SLC35F4: variants seen among roughly 807,000 people sequenced by gnomAD.
SLC35F4 encodes solute carrier family 35 member F4.
In SLC35F4, 24 loss-of-function variants were observed where a neutral mutation model predicts 44.2. The ratio of observed to expected loss-of-function variants is 0.54; its 90% CI spans 0.39 to 0.76. SLC35F4 has a LOEUF of 0.76. Ranked by LOEUF, SLC35F4 falls within the 30% of genes least tolerant of loss-of-function variation. The pLI is 0.00. For synonymous variants in SLC35F4, 238 were observed against 223.6 expected (o/e 1.06, Z -0.57); for missense variants, 562 against 586.1 (o/e 0.96, Z 0.42).
chr14:57,861,018 TA>T (rs1887634037), intron 1 of SLC35F4, among the ~76,000 whole-genome samples: 1 of 152,256 alleles, frequency 6.6e-6, no homozygotes, highest in Non-Finnish European at 1.5e-5. Context: ...TTTACTGTGT[TA>T]ATGAATGAGC....
chr14:57,668,271 G>T (rs12050079), intron 1 of SLC35F4, among the ~76,000 whole-genome samples: 67,524 of 146,832 alleles, frequency 0.46, 16,084 homozygotes, highest in African/African-American at 0.6. Flanking sequence ...TTTCTCCCAT[G>T]TTGTAGGTTG....
At chr14:57,835,585 G>C (rs931966409) in intron 1 of SLC35F4, among the ~76,000 whole-genome samples, 1 of 152,188 alleles carries the variant, frequency 6.6e-6, no homozygotes, top group African/African-American at 2.4e-5. Context: ...AGGAGCAAAA[G>C]GACTCTATAA....
At chr14:57,841,575 G>C (rs1408048721) in intron 1 of SLC35F4, among the ~76,000 whole-genome samples, 1 of 152,146 alleles carries the variant, frequency 6.6e-6, no homozygotes, top group Non-Finnish European at 1.5e-5. Flanking sequence ...GGGCTAACAG[G>C]GTACTGAATC....
intron 1 of SLC35F4, among the ~76,000 whole-genome samples, chr14:57,709,934 A>T (rs1394114266): frequency 6.6e-6 from 1 of 152,200 alleles, no homozygotes; most frequent in Non-Finnish European, 1.5e-5. Context: ...ATGCAATAGA[A>T]ACGAAAAACC....
At chr14:57,845,904 A>G (rs2140972933) in intron 1 of SLC35F4, among the ~76,000 whole-genome samples, 1 of 152,284 alleles carries the variant, frequency 6.6e-6, no homozygotes, top group South Asian at 2.1e-4. Flanking sequence ...ACAGCCCTAC[A>G]CACTAGGAGA....
intron 1 of SLC35F4, among the ~76,000 whole-genome samples, chr14:57,839,545 C>T (rs1041485738): frequency 3.3e-5 from 5 of 152,128 alleles, no homozygotes; most frequent in African/African-American, 1.2e-4. Context: ...AACATAAGGA[C>T]ACATGAGGGG....
At chr14:57,813,385 T>G (rs1487052637) in intron 1 of SLC35F4, among the ~76,000 whole-genome samples, 1 of 151,948 alleles carries the variant, frequency 6.6e-6, no homozygotes, top group East Asian at 1.9e-4. Context: ...AGGTCAGGAG[T>G]TCAAGACCAG....
intron 1 of SLC35F4, among the ~76,000 whole-genome samples, chr14:57,838,506 T>C (rs1297546405): frequency 6.6e-6 from 1 of 152,214 alleles, no homozygotes; most frequent in African/African-American, 2.4e-5. Context: ...AACACATCTT[T>C]ACTGAGCTTT....
chr14:57,606,571 C>T (rs2071179839), intron 1 of SLC35F4, among the ~76,000 whole-genome samples: 1 of 152,180 alleles, frequency 6.6e-6, no homozygotes, highest in Non-Finnish European at 1.5e-5. Context: ...TTCTTGGTTT[C>T]CTTGTAACTT....
chr14:57,926,569 A>C (rs1173646421), intron 1 of SLC35F4, among the ~76,000 whole-genome samples: 3 of 152,168 alleles, frequency 2.0e-5, no homozygotes, highest in Admixed American at 1.3e-4. Flanking sequence ...GGGGGAATTT[A>C]TATGTATATG....
chr14:57,952,717 G>C (rs1594649124), intron 1 of SLC35F4, among the ~76,000 whole-genome samples: 1 of 151,674 alleles, frequency 6.6e-6, no homozygotes, highest in African/African-American at 2.4e-5. Context: ...ATGAAATAAA[G>C]CATGAAGACA....
At chr14:57,742,749 C>A (rs1308720911) in intron 1 of SLC35F4, among the ~76,000 whole-genome samples, 1 of 152,188 alleles carries the variant, frequency 6.6e-6, no homozygotes, top group Non-Finnish European at 1.5e-5. Flanking sequence ...GAACTCTCCA[C>A]CCCAAATCAA....
chr14:57,570,425 T>A, intron 5 of SLC35F4, among the ~76,000 whole-genome samples: 1 of 152,314 alleles, frequency 6.6e-6, no homozygotes, highest in East Asian at 1.9e-4. Context: ...TTGAGAGAAA[T>A]AGTATTTTTG....
chr14:57,856,997 C>T (rs547755259), intron 1 of SLC35F4, among the ~76,000 whole-genome samples: 5 of 152,074 alleles, frequency 3.3e-5, no homozygotes, highest in East Asian at 1.9e-4. Context: ...TTTCCTTGGC[C>T]GGGCACGGTG....
chr14:57,891,981 A>G (rs1057103162), intron 1 of SLC35F4, among the ~76,000 whole-genome samples: 36 of 152,224 alleles, frequency 2.4e-4, no homozygotes, highest in Non-Finnish European at 4.6e-4. Context: ...TATTTCTCAT[A>G]CATATTGTTA....
At chr14:57,643,185 C>T in intron 1 of SLC35F4, among the ~76,000 whole-genome samples, 1 of 152,088 alleles carries the variant, frequency 6.6e-6, no homozygotes, top group East Asian at 1.9e-4. Context: ...TATAGTAACA[C>T]TTACTAGAGC....
intron 1 of SLC35F4, among the ~76,000 whole-genome samples, chr14:57,714,481 T>C (rs2075889780): frequency 6.6e-6 from 1 of 152,216 alleles, no homozygotes; most frequent in African/African-American, 2.4e-5. Flanking sequence ...TGTTGACTTT[T>C]CCTACAAGTG....
chr14:57,979,773 A>T (rs1881323748), intron 1 of SLC35F4, among the ~76,000 whole-genome samples: 1 of 152,330 alleles, frequency 6.6e-6, no homozygotes, highest in Non-Finnish European at 1.5e-5. Context: ...CAATTCATTT[A>T]TATGCCTTTG....
chr14:57,882,199 A>T (rs542615223), intron 1 of SLC35F4, among the ~76,000 whole-genome samples: 1 of 152,208 alleles, frequency 6.6e-6, no homozygotes, highest in African/African-American at 2.4e-5. Flanking sequence ...CCCTGGAGAA[A>T]CTACAGGAAC....
Sources: allele counts gnomAD v4.1 joint callset (sites outside exome capture counted in the v4.1 genomes callset), GRCh38; gene constraint gnomAD v4.1.1; transcripts MANE v1.5; gene names NCBI Gene and HGNC (gene_info 2026-07-23, HGNC 2026-07-21).